The following TBL1Y variants were observed in gnomAD, a reference collection of about 807,000 sequenced individuals.
TBL1Y encodes F-box-like/WD repeat-containing protein TBL1Y.
TBL1Y carries 15 observed loss-of-function variants against 12.0 expected under a neutral mutation model. The observed-to-expected ratio is 1.25, with a 90% confidence interval of 0.83 to 1.92. The LOEUF (loss-of-function observed/expected upper bound fraction) is 1.92. Among genes scored for constraint, TBL1Y ranks in the 40% most tolerant of loss-of-function variants. The pLI, the probability that TBL1Y is intolerant of heterozygous loss-of-function variation, is 0.00. For missense variants in TBL1Y, 148 were observed against 116.7 expected, an observed-to-expected ratio of 1.27 and a Z score of -1.24; for synonymous variants, 53 against 42.6, an observed-to-expected ratio of 1.24 and a Z score of -0.95.
In TBL1Y at chrY:7,062,670, C is replaced by A; in HGVS notation, c.205-1227C>A. Among the ~76,000 whole-genome samples the A allele has an allele frequency of 1.2e-4, 4 of 32,967 alleles. No homozygotes were observed. The South Asian group carries it at 2.9e-3, about 23-fold the overall frequency. 88.4% of individuals were successfully genotyped at this position (32,967 alleles called of 37,273 possible). ...CTTTTGGGGTGAGGCTCAATTTCCGCTAGTGGAAATTTCTTGCCTTTTGGG... is the reference window on the plus strand; with the variant it reads ...CTTTTGGGGTGAGGCTCAATTTCCGATAGTGGAAATTTCTTGCCTTTTGGG... On this transcript the variant is annotated intron_variant, in intron 7 of 18. Transcript: ENST00000383032.
At chrY:7,083,615 C>T in intron 14 of TBL1Y, among the ~76,000 whole-genome samples, 1 of 31,785 alleles carries the variant, frequency 3.1e-5, no homozygotes, top group Non-Finnish European at 7.7e-5. Context: ...CCTCCCTGGG[C>T]TCTCCCAGCA....
intron 2 of TBL1Y, among the ~76,000 whole-genome samples, chrY:6,925,937 C>T (rs914196361): frequency 9.0e-5 from 3 of 33,477 alleles, no homozygotes; most frequent in Non-Finnish European, 1.5e-4. Flanking sequence ...CTAATACACA[C>T]GACATGCTGT....
intron 4 of TBL1Y, among the ~76,000 whole-genome samples, chrY:6,999,926 C>A (rs757815484): frequency 3.3e-5 from 1 of 30,478 alleles, no homozygotes; most frequent in East Asian, 8.9e-4. Flanking sequence ...CTGAGAAAAT[C>A]CTTGGAGAAA....
At chrY:6,995,556 A>G in intron 3 of TBL1Y, among the ~76,000 whole-genome samples, 1 of 33,408 alleles carries the variant, frequency 3.0e-5, no homozygotes, top group Non-Finnish European at 7.4e-5. Context: ...CCAGATGCAG[A>G]AGTAGAAATT....
At chrY:7,028,451 A>T (rs775610635) in intron 6 of TBL1Y, among the ~76,000 whole-genome samples, 22 of 34,185 alleles carry the variant, frequency 6.4e-4, no homozygotes, top group African/African-American at 2.5e-3. Flanking sequence ...CAACAGGCAG[A>T]TGTCAGGTCA....
intron 3 of TBL1Y, among the ~76,000 whole-genome samples, chrY:6,981,733 G>C (rs2012282831): frequency 6.5e-5 from 2 of 30,845 alleles, no homozygotes; most frequent in Non-Finnish European, 1.6e-4. Context: ...AGGGGTGGGA[G>C]GGATGGGGAG....
intron 3 of TBL1Y, among the ~76,000 whole-genome samples, chrY:6,987,097 G>A: frequency 1.5e-4 from 5 of 32,717 alleles, no homozygotes; most frequent in Admixed American, 1.4e-3. Context: ...CCATCTTAAA[G>A]TTGAAAAATG....
intron 2 of TBL1Y, among the ~76,000 whole-genome samples, chrY:6,957,673 G>T: frequency 6.0e-5 from 2 of 33,504 alleles, no homozygotes; most frequent in Non-Finnish European, 1.5e-4. Flanking sequence ...TAAAGCAAGA[G>T]AAGCCCCTTA....
intron 2 of TBL1Y, among the ~76,000 whole-genome samples, chrY:6,959,806 A>T: frequency 2.9e-5 from 1 of 33,979 alleles, no homozygotes; most frequent in Non-Finnish European, 7.3e-5. Flanking sequence ...AATCTGACAT[A>T]TTCCAGTCAC....
At chrY:6,967,673 T>C (rs2012178984) in intron 2 of TBL1Y, among the ~76,000 whole-genome samples, 1 of 34,449 alleles carries the variant, frequency 2.9e-5, no homozygotes, top group Non-Finnish European at 7.3e-5. Context: ...CTGTGAACCA[T>C]GATGCCTAGC....
chrY:7,025,588 G>A, intron 6 of TBL1Y, among the ~76,000 whole-genome samples: 7 of 33,416 alleles, frequency 2.1e-4, no homozygotes, highest in South Asian at 1.4e-3. Context: ...TCCTTGGCTT[G>A]TAGGGGCATC....
chrY:6,989,909 C>T, intron 3 of TBL1Y, among the ~76,000 whole-genome samples: 1 of 33,722 alleles, frequency 3.0e-5, no homozygotes, highest in Non-Finnish European at 7.3e-5. Context: ...AACTCTTTGC[C>T]TCTGCACTTT....
chrY:6,944,800 G>A (rs769906463), intron 2 of TBL1Y, among the ~76,000 whole-genome samples: 1 of 33,471 alleles, frequency 3.0e-5, no homozygotes, highest in South Asian at 6.9e-4. Context: ...ATTCCTCTGC[G>A]GATGGTTACC....
chrY:6,953,640 G>A (rs2012046489), intron 2 of TBL1Y, among the ~76,000 whole-genome samples: 2 of 33,429 alleles, frequency 6.0e-5, no homozygotes, highest in South Asian at 1.3e-3. Context: ...CCTTTAGCTC[G>A]GAGAAGTTTG....
At chrY:7,080,075 T>G (rs2124188326) in intron 13 of TBL1Y, among the ~76,000 whole-genome samples, 5 of 21,245 alleles carry the variant, frequency 2.4e-4, no homozygotes, top group African/African-American at 1.1e-3. Context: ...TTTTTTTTTT[T>G]TTTTTTTGGT....
chrY:7,069,668 T>C, intron 8 of TBL1Y, among the ~76,000 whole-genome samples: 2 of 33,272 alleles, frequency 6.0e-5, no homozygotes, highest in Non-Finnish European at 1.5e-4. Flanking sequence ...AAAGAGTAAA[T>C]AATTGTTTTG....
intron 2 of TBL1Y, among the ~76,000 whole-genome samples, chrY:6,936,897 T>C (rs2011908436): frequency 3.0e-5 from 1 of 33,644 alleles, no homozygotes; most frequent in Non-Finnish European, 7.3e-5. Flanking sequence ...CTTGTAATCA[T>C]TGGTTAATAT....
chrY:6,981,977 A>G (rs2012285117), intron 3 of TBL1Y, among the ~76,000 whole-genome samples: 1 of 33,682 alleles, frequency 3.0e-5, no homozygotes, highest in African/African-American at 1.2e-4. Flanking sequence ...TGTGTAATAT[A>G]TGATATAGCC....
intron 2 of TBL1Y, among the ~76,000 whole-genome samples, chrY:6,961,298 ACTGTGTCAGCTTCTTTAG>A (rs2012123464): frequency 3.2e-5 from 1 of 31,457 alleles, no homozygotes; most frequent in Non-Finnish European, 7.7e-5. Flanking sequence ...TTTTCAGCTA[ACTGTGTCAGCTTCTTTAG>A]CTGGGCCCAG....
Sources: gnomAD v4.1 joint callset for allele counts (sites outside exome capture counted in the v4.1 genomes callset) on GRCh38, gnomAD v4.1.1 for gene constraint, MANE v1.5 for transcripts, NCBI Gene and HGNC (gene_info 2026-07-23, HGNC 2026-07-21) for gene names.